Variants in SLC10A7 observed in about 807,000 individuals in gnomAD.
SLC10A7 encodes solute carrier family 10 member 7.
SLC10A7 carries 29 observed loss-of-function variants against 43.2 expected under a neutral mutation model. The ratio of observed to expected loss-of-function variants is 0.67; its 90% CI spans 0.50 to 0.92. SLC10A7 has a LOEUF of 0.92. Among genes scored for constraint, SLC10A7 ranks in the 40% least tolerant of loss-of-function variants. SLC10A7 has a pLI of 0.00. For synonymous variants in SLC10A7, 152 were observed against 144.8 expected (o/e 1.05, Z -0.35); for missense variants, 295 against 403.2 (o/e 0.73, Z 2.30).
At chr4:146,450,117 AAC>A (rs1021171173) in intron 4 of SLC10A7, among the ~76,000 whole-genome samples, 1 of 151,206 alleles carries the variant, frequency 6.6e-6, no homozygotes, top group African/African-American at 2.4e-5. Context: ...ACAAACAAAA[AAC>A]AGGTAGTTAG....
chr4:146,422,191 GCT>G (rs1729014028), intron 5 of SLC10A7, among the ~76,000 whole-genome samples: 3 of 152,052 alleles, frequency 2.0e-5, no homozygotes, highest in Non-Finnish European at 2.9e-5. Flanking sequence ...GAAATAAAAC[GCT>G]CTAGGAAAGG....
intron 5 of SLC10A7, among the ~76,000 whole-genome samples, chr4:146,427,655 A>G (rs1384373517): frequency 6.6e-6 from 1 of 152,228 alleles, no homozygotes; most frequent in Non-Finnish European, 1.5e-5. Context: ...TAGTTTAAAA[A>G]GGTAGAAATA....
At position 146,403,512 on chromosome 4, in the gene SLC10A7, A is replaced by G. The variant is rs748946359; in HGVS notation, c.435+39271T>C. On this transcript the variant is annotated intron_variant, in intron 5 of 11. Transcript: ENST00000335472. ...GGACACCTTTCAGGTTCCCAGGTTT[A>G]TTGAGTGGTCTCAGTTCCAGCTAAC... Among the ~76,000 whole-genome samples, 57 of 152,240 alleles carry G rather than the reference A, an allele frequency of 3.7e-4. 1 individual carries two copies. The highest frequency in any genetic ancestry group is 8.5e-4 in the Admixed American group (13 of 15,292).
intron 2 of SLC10A7, 129 bp downstream of exon 2, chr4:146,516,909 G>C: frequency 3.0e-6 from 2 of 666,466 alleles, no homozygotes; most frequent in Non-Finnish European, 4.9e-6. Flanking sequence ...TGCCGACCAA[G>C]TTATCTTCTG....
At chr4:146,285,503 G>C (rs183276194) in intron 9 of SLC10A7, among the ~76,000 whole-genome samples, 1 of 152,310 alleles carries the variant, frequency 6.6e-6, no homozygotes, top group African/African-American at 2.4e-5. Context: ...AAGACCTTCT[G>C]ACTCTTAGGA....
intron 7 of SLC10A7, among the ~76,000 whole-genome samples, chr4:146,299,383 G>A (rs1364172049): frequency 6.6e-6 from 1 of 152,174 alleles, no homozygotes; most frequent in African/African-American, 2.4e-5. Context: ...TCTAGTTTAA[G>A]AGAGAAATAA....
At chr4:146,274,115 G>C (rs973353228) in intron 10 of SLC10A7, among the ~76,000 whole-genome samples, 2 of 151,674 alleles carry the variant, frequency 1.3e-5, no homozygotes, top group African/African-American at 4.8e-5. Context: ...AGGAAGACAT[G>C]ATCTTAAAGA....
intron 5 of SLC10A7, among the ~76,000 whole-genome samples, chr4:146,412,790 A>G (rs1473080225): frequency 6.6e-6 from 1 of 152,050 alleles, no homozygotes; most frequent in African/African-American, 2.4e-5. Context: ...ACAAAATTGA[A>G]CTATCTATTG....
intron 4 of SLC10A7, among the ~76,000 whole-genome samples, chr4:146,452,896 C>T (rs1035776267): frequency 6.6e-6 from 1 of 151,840 alleles, no homozygotes; most frequent in Non-Finnish European, 1.5e-5. Flanking sequence ...TAAATGAAGA[C>T]TTAATACTGC....
chr4:146,324,152 C>T (rs1732938552), intron 6 of SLC10A7, among the ~76,000 whole-genome samples: 1 of 152,120 alleles, frequency 6.6e-6, no homozygotes, highest in Non-Finnish European at 1.5e-5. Context: ...AACTACAAAC[C>T]ACTGCTCAAC....
At chr4:146,512,407 T>C (rs533446486) in intron 2 of SLC10A7, among the ~76,000 whole-genome samples, 10 of 152,306 alleles carry the variant, frequency 6.6e-5, no homozygotes, top group African/African-American at 1.9e-4. Flanking sequence ...CCTAAAGATA[T>C]AAAAATGTGA....
chr4:146,458,348 A>C (rs1732261126), intron 4 of SLC10A7, among the ~76,000 whole-genome samples: 1 of 151,760 alleles, frequency 6.6e-6, no homozygotes, highest in Non-Finnish European at 1.5e-5. Context: ...AAAACCAAAC[A>C]GCTGACATCA....
chr4:146,358,914 G>A (rs1735849607), intron 5 of SLC10A7, among the ~76,000 whole-genome samples: 1 of 151,984 alleles, frequency 6.6e-6, no homozygotes, highest in Non-Finnish European at 1.5e-5. Flanking sequence ...TAAGTGATAG[G>A]GTAGGCATAT....
intron 6 of SLC10A7, among the ~76,000 whole-genome samples, chr4:146,314,111 G>A (rs1732165410): frequency 6.6e-6 from 1 of 152,140 alleles, no homozygotes; most frequent in African/African-American, 2.4e-5. Context: ...CAGTTGTGCA[G>A]TCTCAGTCGA....
chr4:146,369,872 C>G (rs1242015258), intron 5 of SLC10A7, among the ~76,000 whole-genome samples: 2 of 152,014 alleles, frequency 1.3e-5, no homozygotes, highest in Admixed American at 6.6e-5. Context: ...TTAGTGGGCC[C>G]ACAAAGCTAA....
chr4:146,276,795 T>C (rs1223943382), intron 10 of SLC10A7, among the ~76,000 whole-genome samples: 1 of 151,882 alleles, frequency 6.6e-6, no homozygotes, highest in East Asian at 1.9e-4. Context: ...TACAAAAAAA[T>C]TTTTAAAAAT....
At chr4:146,308,385 T>C (rs1731734580) in intron 6 of SLC10A7, among the ~76,000 whole-genome samples, 1 of 152,120 alleles carries the variant, frequency 6.6e-6, no homozygotes, top group South Asian at 2.1e-4. Flanking sequence ...AAGTTTCTGA[T>C]GCTATGAAGT....
chr4:146,506,328 A>G (rs773815388), intron 3 of SLC10A7, among the ~76,000 whole-genome samples: 5 of 152,204 alleles, frequency 3.3e-5, no homozygotes, highest in Non-Finnish European at 5.9e-5. Flanking sequence ...TACAGGAAAT[A>G]ATTTTTAAAA....
intron 6 of SLC10A7, among the ~76,000 whole-genome samples, chr4:146,317,315 T>G (rs1732395001): frequency 6.6e-6 from 1 of 152,082 alleles, no homozygotes; most frequent in Admixed American, 6.6e-5. Context: ...TTGAGTGGCT[T>G]CAACTGCCAG....
Sources: gnomAD v4.1 joint callset for allele counts (sites outside exome capture counted in the v4.1 genomes callset) on GRCh38, gnomAD v4.1.1 for gene constraint, MANE v1.5 for transcripts, NCBI Gene and HGNC (gene_info 2026-07-23, HGNC 2026-07-21) for gene names.